SNX29: variants seen among roughly 807,000 people sequenced by gnomAD.
SNX29 encodes sorting nexin-29.
In SNX29, 78 loss-of-function variants were observed where a neutral mutation model predicts 102.1. The ratio of observed to expected loss-of-function variants is 0.76; its 90% CI spans 0.64 to 0.92. SNX29 has a LOEUF of 0.92. Ranked by LOEUF, SNX29 falls within the 40% of genes least tolerant of loss-of-function variation. SNX29 has a pLI of 0.00. For synonymous variants in SNX29, 580 were observed against 414.5 expected, an observed-to-expected ratio of 1.40 and a Z score of -4.85; for missense variants, 1,280 against 1,061.7, an observed-to-expected ratio of 1.21 and a Z score of -2.86.
At chr16:11,983,235 ATTTTTTTTTTT>A (rs557542669) in intron 1 of SNX29, among the ~76,000 whole-genome samples, 1 of 129,620 alleles carries the variant, frequency 7.7e-6, no homozygotes, top group East Asian at 2.4e-4. Context: ...CTGGGTTACA[ATTTTTTTTTTT>A]TTTTTTTTTT....
chr16:12,564,919 A>C (rs951764747), intron 20 of SNX29, among the ~76,000 whole-genome samples: 1 of 117,150 alleles, frequency 8.5e-6, no homozygotes, highest in African/African-American at 3.5e-5. Context: ...CAGGGACTGG[A>C]GGGAACCTTG....
At chr16:12,503,219 T>G (rs2089210380) in intron 19 of SNX29, among the ~76,000 whole-genome samples, 1 of 151,994 alleles carries the variant, frequency 6.6e-6, no homozygotes, top group African/African-American at 2.4e-5. Flanking sequence ...TTCGTCCTCC[T>G]TTTCCTTCCC....
At chr16:12,032,204 T>C (rs2057364929) in intron 4 of SNX29, among the ~76,000 whole-genome samples, 1 of 128,958 alleles carries the variant, frequency 7.8e-6, no homozygotes, top group Non-Finnish European at 1.6e-5. Context: ...CTTCTTCTTC[T>C]TTTTTTTTTT....
rs957358457 is a variant in SNX29, at chr16:12,564,712, A to C, written c.2319-3794A>C. Among the ~76,000 whole-genome samples, 16 of 152,050 alleles carry C rather than the reference A, an allele frequency of 1.1e-4. No homozygotes were observed. In the East Asian group the frequency reaches 1.8e-3, roughly 17 times the overall value. On this transcript the variant is annotated intron_variant, in intron 20 of 20. Coordinates refer to ENST00000566228, the MANE Select transcript of SNX29 (RefSeq NM_032167.5). ...GCTTAGGCCCCAGAGCTGCAAGCCC[A>C]CTTTGTTATAAAAATGCAGTTGTGC...
intron 20 of SNX29, among the ~76,000 whole-genome samples, chr16:12,545,192 A>G (rs1255757294): frequency 1.3e-5 from 2 of 152,190 alleles, no homozygotes; most frequent in Non-Finnish European, 2.9e-5. Flanking sequence ...TATGGTCAAT[A>G]CAAAAAAGGA....
rs1269431465 is a variant in SNX29, at chr16:12,048,540, C to A, written c.668C>A (p.Ala223Asp). The A allele has an allele frequency of 3.1e-6, 5 of 1,613,966 alleles. No individual in the cohort carries two copies. Among genetic ancestry groups the A allele is most frequent in the Non-Finnish European group, 4.2e-6 (5 of 1,179,862 alleles). ...AGCAGCCTGTTCAGGGAGATCACAG[C>A]CTCCTCTGCCGTCTCCATCCTCATC... ...GVSSLFREIT[A>D]SSAVSILIKP... The change falls in exon 7 of 21, where the codon GCC (alanine) becomes GAC (aspartate). Residue 223 changes from alanine (A) to aspartate (D), a missense_variant. By Grantham distance (126) the Ala-to-Asp change is moderately radical. Transcript: ENST00000566228.
At position 12,156,079 on chromosome 16, in the gene SNX29, C is replaced by A. The variant is rs541620819; in HGVS notation, c.1595+26321C>A. Among the ~76,000 whole-genome samples the A allele has an allele frequency of 2.6e-5, 4 of 152,328 alleles. No individual in the cohort carries two copies. In the South Asian group the frequency reaches 6.2e-4, roughly 24 times the overall value. On this transcript the variant is annotated intron_variant, in intron 13 of 20. Transcript: ENST00000566228. ...TTAACGTGCGTGGCGCACACCCCCCCACATCTCCTTGAAGCCTTGGCTCTA... is the reference window on the plus strand; with the variant it reads ...TTAACGTGCGTGGCGCACACCCCCCAACATCTCCTTGAAGCCTTGGCTCTA...
intron 9 of SNX29, among the ~76,000 whole-genome samples, chr16:12,062,708 T>G (rs1459002648): frequency 6.6e-6 from 1 of 152,142 alleles, no homozygotes; most frequent in East Asian, 1.9e-4. Context: ...TGGGCCCAGA[T>G]TTAGGAAATT....
In SNX29 at chr16:12,477,857, A is replaced by T; in HGVS notation, c.2176A>T (p.Lys726Ter). Residue 726 changes from lysine (K) to a stop codon, truncating the protein, a stop_gained and splice_region_variant, in exon 19 of 21, where the codon AAG becomes TAG. Transcript: ENST00000566228. LOFTEE classifies it high-confidence loss of function. ...CCCACCCAAAAAGGCCATTGGAAAC[A>T]AGGTACCATCCCGTGCTGGGAAGCC... ...NFPPKKAIGN[K>*]DAKFVEERRK... The T allele has an allele frequency of 6.2e-7, 1 of 1,605,882 alleles. No homozygotes were observed. Among genetic ancestry groups the T allele is most frequent in the Non-Finnish European group, 8.5e-7 (1 of 1,177,542 alleles).
At chr16:12,264,266 C>T (rs2078861639) in intron 14 of SNX29, among the ~76,000 whole-genome samples, 2 of 152,212 alleles carry the variant, frequency 1.3e-5, no homozygotes, top group African/African-American at 4.8e-5. Context: ...TGTGGTATGG[C>T]ATAGAGTCCT....
intron 20 of SNX29, among the ~76,000 whole-genome samples, chr16:12,534,921 T>G (rs2141198149): frequency 6.6e-6 from 1 of 152,338 alleles, no homozygotes; most frequent in South Asian, 2.1e-4. Flanking sequence ...CTGAGCATCC[T>G]ACACCTCACA....
Position 12,083,849 on chromosome 16 carries a change from G to A in SNX29, c.1402+4934G>A, listed in dbSNP as rs1289202125. The stretch of plus-strand genomic sequence containing the variant: ...TCACATCCCGCCAAGTGGCTTCCCT[G>A]GCTTCGTGTAATAATCTGTGGAGGT... On this transcript the variant is annotated intron_variant, in intron 11 of 20. Transcript: ENST00000566228. 2.0e-5 allele frequency among the ~76,000 whole-genome samples: 3 copies of A among 152,206 alleles called. No homozygotes were observed. In the East Asian group the frequency reaches 5.8e-4, roughly 29 times the overall value.
chr16:12,363,525 C>T (rs1308754945), intron 16 of SNX29, among the ~76,000 whole-genome samples: 1 of 152,308 alleles, frequency 6.6e-6, no homozygotes, highest in East Asian at 1.9e-4. Flanking sequence ...GTGCGAGGTT[C>T]TGTGAGATTC....
chr16:12,140,370 C>T (rs574603084), intron 13 of SNX29, among the ~76,000 whole-genome samples: 5 of 152,312 alleles, frequency 3.3e-5, no homozygotes, highest in Admixed American at 2.6e-4. Context: ...TCTCATTTCC[C>T]GGGCCAGCTG....
At chr16:12,268,764 C>A (rs1295762773) in intron 14 of SNX29, among the ~76,000 whole-genome samples, 1 of 152,192 alleles carries the variant, frequency 6.6e-6, no homozygotes, top group Non-Finnish European at 1.5e-5. Context: ...CTGGGTCATG[C>A]TCAGCTTGTT....
intron 18 of SNX29, among the ~76,000 whole-genome samples, chr16:12,430,877 A>ATC (rs1396454081): frequency 6.8e-6 from 1 of 147,964 alleles, no homozygotes; most frequent in African/African-American, 2.5e-5. Flanking sequence ...TTGAGATGGA[A>ATC]TCTCACTCTG....
chr16:12,564,586 T>G (rs1249700343), intron 20 of SNX29, among the ~76,000 whole-genome samples: 1 of 152,194 alleles, frequency 6.6e-6, no homozygotes, highest in East Asian at 1.9e-4. Flanking sequence ...AGACGCCCCT[T>G]TTTCTTGTTT....
intron 11 of SNX29, chr16:12,093,889 A>T (rs902491533): frequency 2.0e-5 from 3 of 152,240 alleles, no homozygotes; most frequent in Non-Finnish European, 4.4e-5. Flanking sequence ...AGAGTGTTCC[A>T]GGCTTTAGAA....
chr16:12,570,901 C>A lies in SNX29; in HGVS notation c.*2272C>A, dbSNP rs138145372. ...TAATACTGAATTATTCACAAAAAAC[C>A]TGGTCTGCTCTCCAAAATGAGAGCA... On this transcript the variant is annotated 3_prime_UTR_variant, in exon 21 of 21. Coordinates refer to ENST00000566228, the MANE Select transcript of SNX29 (RefSeq NM_032167.5). 4 of 226,664 alleles carry A rather than the reference C, an allele frequency of 1.8e-5. No homozygotes were observed. The highest frequency in any genetic ancestry group is 3.5e-5 in the Non-Finnish European group (4 of 115,610). 14.0% of individuals were successfully genotyped at this position (226,664 alleles called of 1,614,324 possible).
Sources: allele counts gnomAD v4.1 joint callset (sites outside exome capture counted in the v4.1 genomes callset), GRCh38; gene constraint gnomAD v4.1.1; transcripts MANE v1.5; gene names NCBI Gene and HGNC (gene_info 2026-07-23, HGNC 2026-07-21).